Variants in NFIB observed in about 807,000 individuals in gnomAD.
The protein encoded by NFIB is nuclear factor I B.
A neutral mutation model predicts 61.5 loss-of-function variants in NFIB; 11 were observed. That is an observed-to-expected ratio of 0.18 (90% CI 0.11 to 0.30). The LOEUF is 0.30. NFIB is among the 10% of genes least tolerant of loss of function. The probability of loss-of-function intolerance (pLI) is 1.00; values close to 1 mark genes in which losing one functional copy is unlikely to be tolerated. For synonymous variants in NFIB, 260 were observed against 216.5 expected (o/e 1.20, Z -1.76); for missense variants, 471 against 608.9 (o/e 0.77, Z 2.38).
At chr9:14,121,499 C>T (rs1230194459) in intron 7 of NFIB, among the ~76,000 whole-genome samples, 1 of 152,216 alleles carries the variant, frequency 6.6e-6, no homozygotes, top group African/African-American at 2.4e-5. Flanking sequence ...AATACAACAT[C>T]ATCTCATGTC....
rs996414144 is a variant in NFIB, at chr9:14,229,693, C to T, written c.563-49913G>A. Reference sequence around the variant, plus strand: ...ATTTCCTCATCATTTGCACTCCTCTCCACCTTCCCTTCCGGGCTTCAGGGC... The same window carrying T: ...ATTTCCTCATCATTTGCACTCCTCTTCACCTTCCCTTCCGGGCTTCAGGGC... On this transcript the variant is annotated intron_variant, in intron 2 of 10. Coordinates refer to ENST00000380953, the MANE Select transcript of NFIB (RefSeq NM_001190737.2). Among the ~76,000 whole-genome samples, 3 of 152,186 alleles carry T rather than the reference C, an allele frequency of 2.0e-5. No individual in the cohort carries two copies. The East Asian group carries it at 5.8e-4, about 29-fold the overall frequency.
chr9:14,405,134 C>T, the NFIB span, among the ~76,000 whole-genome samples: 3 of 152,202 alleles, frequency 2.0e-5, no homozygotes, highest in Non-Finnish European at 4.4e-5. Flanking sequence ...ACTGGATTCT[C>T]CATAATCTCT....
At chr9:14,203,699 C>T (rs1039319609) in intron 2 of NFIB, among the ~76,000 whole-genome samples, 8 of 152,182 alleles carry the variant, frequency 5.3e-5, no homozygotes, top group Admixed American at 5.2e-4. Flanking sequence ...GTCTGTCTCA[C>T]AGGAAGTCAA....
the NFIB span, among the ~76,000 whole-genome samples, chr9:14,455,997 T>C: frequency 4.6e-5 from 7 of 152,200 alleles, no homozygotes; most frequent in Admixed American, 4.6e-4. Flanking sequence ...TGGGAAAAGA[T>C]GGATAATTCA....
chr9:14,438,753 C>G, the NFIB span, among the ~76,000 whole-genome samples: 133,935 of 152,122 alleles, frequency 0.88, 59,051 homozygotes, highest in East Asian at 0.95. Context: ...ACCTCGTGAG[C>G]GGGGGCTGAT....
At chr9:14,343,479 T>C (rs2060977629) in intron 1 of NFIB, among the ~76,000 whole-genome samples, 2 of 152,076 alleles carry the variant, frequency 1.3e-5, no homozygotes, top group East Asian at 1.9e-4. Context: ...GAGTTGCTAT[T>C]ACAAAGGGTT....
At chr9:14,222,916 C>T (rs1587725862) in intron 2 of NFIB, among the ~76,000 whole-genome samples, 1 of 152,004 alleles carries the variant, frequency 6.6e-6, no homozygotes, top group African/African-American at 2.4e-5. Flanking sequence ...CTTTCCACTG[C>T]TCCCTCAAGA....
At chr9:14,175,476 C>A (rs924160344) in intron 3 of NFIB, among the ~76,000 whole-genome samples, 1 of 151,976 alleles carries the variant, frequency 6.6e-6, no homozygotes, top group African/African-American at 2.4e-5. Context: ...GCCCAGCCAG[C>A]GACTTAAAGA....
the NFIB span, among the ~76,000 whole-genome samples, chr9:14,405,000 C>A: frequency 6.6e-6 from 1 of 152,314 alleles, no homozygotes; most frequent in East Asian, 1.9e-4. Flanking sequence ...GCTGGGCATA[C>A]AACTGTACTG....
At chr9:14,416,640 T>TA in the NFIB span, among the ~76,000 whole-genome samples, 2 of 152,186 alleles carry the variant, frequency 1.3e-5, no homozygotes, top group East Asian at 3.9e-4. Context: ...GTTAACAAGT[T>TA]AAAAAAATTA....
chr9:14,477,780 G>A, the NFIB span, among the ~76,000 whole-genome samples: 1 of 152,164 alleles, frequency 6.6e-6, no homozygotes, highest in Admixed American at 6.5e-5. Context: ...GTATAGATTG[G>A]ATTAAGGTTT....
chr9:14,147,847 G>T lies in NFIB; in HGVS notation c.807-1040C>A, dbSNP rs557868136. Among the ~76,000 whole-genome samples, 7 of 151,866 alleles carry T rather than the reference G, an allele frequency of 4.6e-5. No individual in the cohort carries two copies. In the South Asian group the frequency reaches 8.3e-4, roughly 18 times the overall value. On this transcript the variant is annotated intron_variant, in intron 5 of 10. Coordinates refer to ENST00000380953, the MANE Select transcript of NFIB (RefSeq NM_001190737.2). ...TGTAGAGATGGGGTTTTGCTATTTT[G>T]CCCTGGCTGGTGTTGAATTCCTGGA...
the NFIB span, among the ~76,000 whole-genome samples, chr9:14,495,139 G>C: frequency 6.6e-6 from 1 of 152,114 alleles, no homozygotes; most frequent in Non-Finnish European, 1.5e-5. Flanking sequence ...TATTCACAGC[G>C]TTCCTGTTTA....
chr9:14,376,152 C>T (rs929696905), intron 1 of NFIB, among the ~76,000 whole-genome samples: 5 of 152,180 alleles, frequency 3.3e-5, no homozygotes, highest in African/African-American at 7.2e-5. Flanking sequence ...TCTTAAACTC[C>T]TGGGCTCAAG....
At chr9:14,399,842 A>C (rs560157995), upstream of NFIB, among the ~76,000 whole-genome samples, 103 of 152,310 alleles carry the variant, frequency 6.8e-4, 1 homozygote, top group South Asian at 0.019. Flanking sequence ...TGAGTTAAGC[A>C]ACTTGGTAAA....
intron 7 of NFIB, among the ~76,000 whole-genome samples, chr9:14,123,083 A>G (rs2039143798): frequency 6.6e-6 from 1 of 151,744 alleles, no homozygotes; most frequent in Non-Finnish European, 1.5e-5. Flanking sequence ...GTGAAACCCC[A>G]TCTCTACTAA....
At chr9:14,437,024 G>A in the NFIB span, among the ~76,000 whole-genome samples, 1 of 152,174 alleles carries the variant, frequency 6.6e-6, no homozygotes, top group East Asian at 1.9e-4. Flanking sequence ...AGACAGAGAA[G>A]AAAGTGGCCT....
At chr9:14,350,198 G>A (rs1269367150) in intron 1 of NFIB, among the ~76,000 whole-genome samples, 1 of 152,122 alleles carries the variant, frequency 6.6e-6, no homozygotes, top group Non-Finnish European at 1.5e-5. Context: ...AATAAACAAT[G>A]CCGCTTATTA....
intron 2 of NFIB, among the ~76,000 whole-genome samples, chr9:14,187,019 GTGTGTGTATGT>G (rs2047421214): frequency 6.4e-5 from 1 of 15,514 alleles, no homozygotes; most frequent in African/African-American, 1.3e-4. Flanking sequence ...GTGTGTGTGT[GTGTGTGTATGT>G]GTGTGTGTGT....
Sources: allele counts gnomAD v4.1 joint callset (sites outside exome capture counted in the v4.1 genomes callset), GRCh38; gene constraint gnomAD v4.1.1; transcripts MANE v1.5; gene names NCBI Gene and HGNC (gene_info 2026-07-23, HGNC 2026-07-21).